Variants in CD27 observed in about 807,000 individuals in gnomAD.
The protein encoded by CD27 is CD27 antigen.
Under a neutral mutation model 25.9 loss-of-function variants are expected in CD27, and 16 were observed. The ratio of observed to expected loss-of-function variants is 0.62; its 90% CI spans 0.42 to 0.94. CD27 has a LOEUF of 0.94. Among genes scored for constraint, CD27 ranks in the 40% least tolerant of loss-of-function variants. The pLI is 0.00. For missense variants in CD27, 300 were observed against 333.2 expected (o/e 0.90, Z 0.78); for synonymous variants, 142 against 124.3 (o/e 1.14, Z -0.95).
chr12:6,446,512 G>A (rs1949418637), intron 2 of CD27, among the ~76,000 whole-genome samples: 2 of 152,250 alleles, frequency 1.3e-5, no homozygotes, highest in South Asian at 2.1e-4. Context: ...GGTGGCTCAT[G>A]CCTATAATCC....
Position 6,445,659 on chromosome 12 carries a change from T to A in CD27, c.268+104T>A. ...GCAAGGAGGATGACGGGGCCAAAGC[T>A]TTGGCCTTCTTCAAGGCTCACAGCA... On this transcript the variant is annotated intron_variant, in intron 2 of 5. Coordinates refer to ENST00000266557, the MANE Select transcript of CD27 (RefSeq NM_001242.5). The surrounding 1 kb of genome is among the most constrained non-coding windows in gnomAD (Gnocchi z 4.5). The A allele has an allele frequency of 1.4e-6, 2 of 1,416,956 alleles. No individual in the cohort carries two copies. The highest frequency in any genetic ancestry group is 9.4e-7 in the Non-Finnish European group (1 of 1,060,850). The allele number at this position is 1,416,956 out of a possible 1,614,324, so 87.8% of individuals were successfully genotyped here.
intron 2 of CD27, chr12:6,447,712 C>A (rs1449785201): frequency 6.6e-6 from 1 of 152,068 alleles, no homozygotes; most frequent in Non-Finnish European, 1.5e-5. Flanking sequence ...TATACATGTG[C>A]CATGTTGGTG....
At position 6,445,941 on chromosome 12, in the gene CD27, C is replaced by T. The variant is rs1949409925; in HGVS notation, c.268+386C>T. Reference sequence around the variant, plus strand: ...TGGCCATTGGGAATTTGGAATACATCTTTCTAAGGAAATAACAAAGCAACC... The same window carrying T: ...TGGCCATTGGGAATTTGGAATACATTTTTCTAAGGAAATAACAAAGCAACC... On this transcript the variant is annotated intron_variant, in intron 2 of 5. Transcript: ENST00000266557. This position sits in a 1 kb window ranked among gnomAD's most constrained non-coding sequence, Gnocchi z 4.5. Among the ~76,000 whole-genome samples the T allele has an allele frequency of 6.6e-6, 1 of 152,108 alleles. No homozygotes were observed. Among genetic ancestry groups the T allele is most frequent in the South Asian group, 2.1e-4 (1 of 4,830 alleles).
At chr12:6,444,663 GT>G (rs1393508136), upstream of CD27, among the ~76,000 whole-genome samples, 112 of 83,752 alleles carry the variant, frequency 1.3e-3, no homozygotes, top group African/African-American at 4.3e-3. Flanking sequence ...GGGGGGGTGG[GT>G]GGGGGGGGGT....
At chr12:6,451,210 T>C in intron 5 of CD27, 58 bp from the exon 6 acceptor site, 1 of 1,594,874 alleles carries the variant, frequency 6.3e-7, no homozygotes, top group Non-Finnish European at 8.6e-7. Context: ...CCCATCTCCT[T>C]CTCCCGTCTC....
At position 6,451,658 on chromosome 12, in the gene CD27, G is replaced by A. The variant is rs770634319; in HGVS notation, c.*266G>A. The A allele has an allele frequency of 9.2e-6, 4 of 434,900 alleles. No homozygotes were observed. The highest frequency in any genetic ancestry group is 6.3e-4 in the Middle Eastern group (1 of 1,598). 26.9% of individuals were successfully genotyped at this position (434,900 alleles called of 1,614,324 possible). A position where few individuals can be genotyped will look rare whatever the true frequency, so the allele number is the denominator to read the frequency against. On this transcript the variant is annotated 3_prime_UTR_variant, in exon 6 of 6. Transcript: ENST00000266557. ...GCTCTGGTTGTAAAACACACTTCCT[G>A]CTGCGAAAGACCCACATGCTACAAG...
At chr12:6,451,142 T>C in intron 5 of CD27, 126 bp from the exon 6 acceptor site, 1 of 1,528,552 alleles carries the variant, frequency 6.5e-7, no homozygotes, top group South Asian at 1.2e-5. Context: ...GTCCTACCCC[T>C]TCTCTCCCCT....
chr12:6,444,516 C>T (rs550878858), upstream of CD27, among the ~76,000 whole-genome samples: 11 of 152,142 alleles, frequency 7.2e-5, no homozygotes, highest in Middle Eastern at 3.4e-3. Context: ...CTTATCTGAC[C>T]CCCAAAGTTT....
Position 6,445,603 on chromosome 12 carries a change from G to T in CD27, c.268+48G>T. 2 of 1,599,712 alleles carry T rather than the reference G, an allele frequency of 1.3e-6. No homozygotes were observed. The highest frequency in any genetic ancestry group is 2.2e-5 in the South Asian group (2 of 90,042). On this transcript the variant is annotated intron_variant, in intron 2 of 5. Coordinates refer to ENST00000266557, the MANE Select transcript of CD27 (RefSeq NM_001242.5). This position sits in a 1 kb window ranked among gnomAD's most constrained non-coding sequence, Gnocchi z 4.5. ...GGTGGGGACGATGGACAAGCATCTG[G>T]GGGAGCAAGGCTGGTGACGGGTTTG...
chr12:6,449,089 G>A lies in CD27; in HGVS notation c.269-1084G>A, dbSNP rs556629606. Among the ~76,000 whole-genome samples the A allele has an allele frequency of 6.6e-5, 10 of 152,020 alleles. No individual in the cohort carries two copies. In the South Asian group the frequency reaches 8.3e-4, roughly 13 times the overall value. On this transcript the variant is annotated intron_variant, in intron 2 of 5. Transcript: ENST00000266557. ...CAGCTCACTGTAACCTCCACCTCCC[G>A]GGCTCAAGCGATCCTCCCACCTCAG...
In CD27 at chr12:6,450,290, C is replaced by G. The variant is rs1378651116; in HGVS notation, c.386C>G (p.Thr129Ser). The change falls in exon 3 of 6, where the codon ACC becomes AGC. Residue 129 changes from threonine (T) to serine (S), a missense_variant. Physicochemically the swap from Thr to Ser is moderately conservative, Grantham distance 58. Coordinates refer to ENST00000266557, the MANE Select transcript of CD27 (RefSeq NM_001242.5). This position sits in a 1 kb window ranked among gnomAD's most constrained non-coding sequence, Gnocchi z 4.1. The stretch of plus-strand genomic sequence containing the variant: ...GATCCTCTTCCAAACCCTTCGCTGA[C>G]CGCTCGGTCGTCTCAGGCCCTGAGC... ...ECDPLPNPSL[T>S]ARSSQALSPH... 1 of 1,613,812 alleles carries G rather than the reference C, an allele frequency of 6.2e-7. No individual in the cohort carries two copies.
In CD27 at chr12:6,450,070, C is replaced by T; in HGVS notation, c.269-103C>T. 1 of 1,034,404 alleles carries T rather than the reference C, an allele frequency of 9.7e-7. No homozygotes were observed. The highest frequency in any genetic ancestry group is 2.2e-5 in the Admixed American group (1 of 46,014). 64.1% of individuals were successfully genotyped at this position (1,034,404 alleles called of 1,614,324 possible). A position where few individuals can be genotyped will look rare whatever the true frequency, so the allele number is the denominator to read the frequency against. ...TGGGAATGGAAAGGGAAGCACGTCC[C>T]TAGAGGTGGGCCTGGGATGGGGGTT... On this transcript the variant is annotated intron_variant, in intron 2 of 5. Coordinates refer to ENST00000266557, the MANE Select transcript of CD27 (RefSeq NM_001242.5). The surrounding 1 kb of genome is among the most constrained non-coding windows in gnomAD (Gnocchi z 4.1).
intron 2 of CD27, among the ~76,000 whole-genome samples, chr12:6,449,720 C>CGG (rs772644429): frequency 1 from 151,504 of 151,692 alleles, 75,658 homozygotes; most frequent in East Asian, 1. Flanking sequence ...TGTGGTGGCA[C>CGG]ACACCTGTAA....
intron 2 of CD27, among the ~76,000 whole-genome samples, chr12:6,449,311 TTTTC>T (rs1949474635): frequency 1.1e-5 from 1 of 90,424 alleles, no homozygotes; most frequent in Non-Finnish European, 2.0e-5. Context: ...TCTTTCTTTC[TTTTC>T]TTTTTTTTTT....
At chr12:6,448,479 G>A (rs11569378) in intron 2 of CD27, among the ~76,000 whole-genome samples, 2 of 152,140 alleles carry the variant, frequency 1.3e-5, no homozygotes, top group African/African-American at 4.8e-5. Context: ...TGAGCAAAAT[G>A]TATATTTTAA....
rs1448886511 is a variant in CD27 at position 6,450,165 on chromosome 12, T to G, written c.269-8T>G. ...TGTCCTATGCTCCCTGGGCCTCTCT[T>G]CCCCCAGGTCTTCTCGTTCGCAACT... On this transcript the variant is annotated splice_polypyrimidine_tract_variant and splice_region_variant and intron_variant, in intron 2 of 5. Transcript: ENST00000266557. The surrounding 1 kb of genome is among the most constrained non-coding windows in gnomAD (Gnocchi z 4.1). 5 of 1,609,054 alleles carry G rather than the reference T, an allele frequency of 3.1e-6. No homozygotes were observed. The highest frequency in any genetic ancestry group is 4.2e-6 in the Non-Finnish European group (5 of 1,179,156).
Position 6,450,878 on chromosome 12 carries a change from G to C in CD27, c.539-17G>C. Reference sequence around the variant, plus strand: ...CTAGACCCTCCCCTAACCCCTGTGTGTCCCCTCCTATTACAGCCCAAAGAT... The same window carrying C: ...CTAGACCCTCCCCTAACCCCTGTGTCTCCCCTCCTATTACAGCCCAAAGAT... On this transcript the variant is annotated splice_polypyrimidine_tract_variant and intron_variant, in intron 4 of 5. Coordinates refer to ENST00000266557, the MANE Select transcript of CD27 (RefSeq NM_001242.5). This position sits in a 1 kb window ranked among gnomAD's most constrained non-coding sequence, Gnocchi z 4.1. The C allele has an allele frequency of 6.2e-7, 1 of 1,614,054 alleles. No individual in the cohort carries two copies. The highest frequency in any genetic ancestry group is 8.5e-7 in the Non-Finnish European group (1 of 1,179,968).
intron 2 of CD27, among the ~76,000 whole-genome samples, chr12:6,449,159 G>A (rs1246197029): frequency 1.3e-5 from 2 of 151,710 alleles, no homozygotes; most frequent in African/African-American, 4.8e-5. Context: ...ACCACACCCA[G>A]CTAATTTTTG....
chr12:6,447,512 T>C (rs902228014), intron 2 of CD27: 4 of 152,166 alleles, frequency 2.6e-5, no homozygotes, highest in African/African-American at 7.2e-5. Flanking sequence ...ATCTATGAGA[T>C]GAGGACATGC....
Sources: allele counts gnomAD v4.1 joint callset (sites outside exome capture counted in the v4.1 genomes callset), GRCh38; gene constraint gnomAD v4.1.1; non-coding constraint Gnocchi (gnomAD v3.1); transcripts MANE v1.5; gene names NCBI Gene and HGNC (gene_info 2026-07-23, HGNC 2026-07-21).